PPP1R16B: variants seen among roughly 807,000 people sequenced by gnomAD.
PPP1R16B encodes the protein protein phosphatase 1 regulatory inhibitor subunit 16B.
Under a neutral mutation model 61.7 loss-of-function variants are expected in PPP1R16B, and 14 were observed. The observed-to-expected ratio is 0.23, with a 90% CI of 0.15 to 0.35. The LOEUF is 0.35. Among genes scored for constraint, PPP1R16B ranks in the 10% least tolerant of loss-of-function variants. The pLI is 1.00. For missense variants in PPP1R16B, 547 were observed against 752.5 expected (o/e 0.73, Z 3.19); for synonymous variants, 266 against 305.3 (o/e 0.87, Z 1.34).
At chr20:38,813,853 G>A (rs1366112814) in intron 1 of PPP1R16B, among the ~76,000 whole-genome samples, 2 of 151,470 alleles carry the variant, frequency 1.3e-5, no homozygotes, top group East Asian at 3.9e-4. Context: ...CTGGAGGGCA[G>A]TGGTGCCATC....
At chr20:38,865,452 G>A (rs1328843357) in intron 2 of PPP1R16B, among the ~76,000 whole-genome samples, 3 of 152,054 alleles carry the variant, frequency 2.0e-5, no homozygotes, top group Non-Finnish European at 4.4e-5. Flanking sequence ...ACCACGGCCG[G>A]CTAATTTTTT....
chr20:38,855,706 G>A (rs950254380), intron 2 of PPP1R16B, among the ~76,000 whole-genome samples: 3 of 151,588 alleles, frequency 2.0e-5, no homozygotes, highest in Admixed American at 6.6e-5. Flanking sequence ...TTGGAGCCAG[G>A]AGAGCTGCAA....
intron 2 of PPP1R16B, among the ~76,000 whole-genome samples, chr20:38,865,534 G>A (rs981324584): frequency 1.5e-4 from 23 of 152,168 alleles, no homozygotes; most frequent in South Asian, 2.1e-4. Context: ...TTTGTGATCC[G>A]CCTGCCTCGG....
chr20:38,813,537 G>A (rs1002587201), intron 1 of PPP1R16B, among the ~76,000 whole-genome samples: 3 of 152,180 alleles, frequency 2.0e-5, no homozygotes, highest in African/African-American at 7.2e-5. Context: ...TTGTAGAGTT[G>A]TGTATTGCTG....
At chr20:38,867,274 G>C (rs2085096900) in intron 2 of PPP1R16B, among the ~76,000 whole-genome samples, 1 of 152,220 alleles carries the variant, frequency 6.6e-6, no homozygotes, top group Non-Finnish European at 1.5e-5. Context: ...ACATCAGCCT[G>C]GTGCTGATGG....
intron 2 of PPP1R16B, among the ~76,000 whole-genome samples, chr20:38,848,120 T>C (rs1001609881): frequency 6.6e-6 from 1 of 152,202 alleles, no homozygotes. Flanking sequence ...ACAGCGACCA[T>C]GTAGCCTGCA....
intron 2 of PPP1R16B, among the ~76,000 whole-genome samples, chr20:38,866,563 A>G (rs2085091909): frequency 1.3e-5 from 2 of 152,008 alleles, no homozygotes; most frequent in African/African-American, 2.4e-5. Context: ...TTCTCACACC[A>G]TGGATGTCTG....
At chr20:38,864,363 C>T (rs1297178392) in intron 2 of PPP1R16B, among the ~76,000 whole-genome samples, 1 of 152,146 alleles carries the variant, frequency 6.6e-6, no homozygotes, top group African/African-American at 2.4e-5. Flanking sequence ...CTCAATAAAG[C>T]CGTTTAAAAA....
At chr20:38,905,799 C>T (rs1462940693) in intron 6 of PPP1R16B, among the ~76,000 whole-genome samples, 170 bp from the exon 7 acceptor site, 4 of 152,300 alleles carry the variant, frequency 2.6e-5, no homozygotes, top group East Asian at 1.9e-4. Flanking sequence ...CTTTTAAGTC[C>T]ATATTTCAGA....
intron 2 of PPP1R16B, among the ~76,000 whole-genome samples, chr20:38,842,029 A>G (rs1372006354): frequency 6.6e-6 from 1 of 152,172 alleles, no homozygotes; most frequent in Non-Finnish European, 1.5e-5. Flanking sequence ...AAATGGCTTC[A>G]CTGTGTGAAT....
At chr20:38,892,721 ACT>A (rs939641994) in intron 3 of PPP1R16B, among the ~76,000 whole-genome samples, 50 of 152,250 alleles carry the variant, frequency 3.3e-4, no homozygotes, top group Admixed American at 2.0e-4. Flanking sequence ...GGAACCGATG[ACT>A]CGACTCAAAG....
chr20:38,806,816 C>T lies in PPP1R16B; in HGVS notation c.-102+1024C>T, dbSNP rs2084665166. Among the ~76,000 whole-genome samples the T allele has an allele frequency of 6.6e-6, 1 of 152,168 alleles. No individual in the cohort carries two copies. On this transcript the variant is annotated intron_variant, in intron 1 of 10. Coordinates refer to ENST00000299824, the MANE Select transcript of PPP1R16B (RefSeq NM_015568.4). The surrounding 1 kb of genome is among the most constrained non-coding windows in gnomAD (Gnocchi z 4.5). ...CTGGGAGAGCTTTGAATCTGGCCCT[C>T]CTGAGACCCCAGGGCTGCGCCGCTG... is the stretch of plus-strand genomic sequence containing the variant.
chr20:38,914,287 G>A (rs1250150329), intron 10 of PPP1R16B, among the ~76,000 whole-genome samples: 1 of 152,146 alleles, frequency 6.6e-6, no homozygotes, highest in East Asian at 1.9e-4. Flanking sequence ...CTGTGTTTGG[G>A]TTGTCCTAGG....
intron 3 of PPP1R16B, among the ~76,000 whole-genome samples, chr20:38,891,469 T>C (rs1450563261): frequency 6.6e-6 from 1 of 152,254 alleles, no homozygotes; most frequent in Non-Finnish European, 1.5e-5. Flanking sequence ...TTCAGTTATA[T>C]ATTTCATTTT....
intron 2 of PPP1R16B, among the ~76,000 whole-genome samples, chr20:38,849,871 C>T (rs182768509): frequency 7.2e-5 from 11 of 152,246 alleles, no homozygotes; most frequent in Admixed American, 3.9e-4. Flanking sequence ...TGAGGTCAAG[C>T]GCTGCATTTA....
In PPP1R16B at chr20:38,907,690, T is replaced by C. The variant is rs1379979364; in HGVS notation, c.899-116T>C. 1 of 1,386,722 alleles carries C rather than the reference T, an allele frequency of 7.2e-7. No homozygotes were observed. The highest frequency in any genetic ancestry group is 1.4e-5 in the African/African-American group (1 of 69,382). 85.9% of individuals were successfully genotyped at this position (1,386,722 alleles called of 1,614,324 possible). The stretch of plus-strand genomic sequence containing the variant: ...TGTTTTCTTGCCTCCCTGCATGCCC[T>C]GAAAGATGCTTGGAGTTTTCAGTGG... On this transcript the variant is annotated intron_variant, in intron 8 of 10. Coordinates refer to ENST00000299824, the MANE Select transcript of PPP1R16B (RefSeq NM_015568.4). The surrounding 1 kb of genome is among the most constrained non-coding windows in gnomAD (Gnocchi z 4.5).
At chr20:38,821,875 G>C (rs1435997631) in intron 1 of PPP1R16B, among the ~76,000 whole-genome samples, 2 of 151,580 alleles carry the variant, frequency 1.3e-5, no homozygotes, top group Non-Finnish European at 2.9e-5. Flanking sequence ...TCTTGAGTTT[G>C]AGTCACATTT....
At chr20:38,869,155 A>T (rs1343870004) in intron 2 of PPP1R16B, among the ~76,000 whole-genome samples, 1 of 150,520 alleles carries the variant, frequency 6.6e-6, no homozygotes, top group Non-Finnish European at 1.5e-5. Context: ...TAGCCATTTT[A>T]TTTTTTTTTA....
chr20:38,868,113 C>A (rs1193417464), intron 2 of PPP1R16B, among the ~76,000 whole-genome samples: 1 of 152,202 alleles, frequency 6.6e-6, no homozygotes, highest in Non-Finnish European at 1.5e-5. Flanking sequence ...TGTTTTCCAT[C>A]TATTTCAGGG....
Sources: gnomAD v4.1 joint callset for allele counts (sites outside exome capture counted in the v4.1 genomes callset) on GRCh38, gnomAD v4.1.1 for gene constraint, Gnocchi (gnomAD v3.1) non-coding constraint, MANE v1.5 for transcripts, NCBI Gene and HGNC (gene_info 2026-07-23, HGNC 2026-07-21) for gene names.